PDE4D: variants seen among roughly 807,000 people sequenced by gnomAD.
The protein encoded by PDE4D is 3',5'-cyclic-AMP phosphodiesterase 4D.
Under a neutral mutation model 87.4 loss-of-function variants are expected in PDE4D, and 24 were observed. That is an observed-to-expected ratio of 0.27 (90% CI 0.20 to 0.39). The LOEUF (loss-of-function observed/expected upper bound fraction) is 0.39, where lower values mean the gene tolerates loss of function less well. Among genes scored for constraint, PDE4D ranks in the 10% least tolerant of loss-of-function variants. PDE4D has a pLI of 1.00. For missense variants in PDE4D, 714 were observed against 1,041.0 expected, an observed-to-expected ratio of 0.69 and a Z score of 4.32; for synonymous variants, 384 against 383.2, an observed-to-expected ratio of 1.00 and a Z score of -0.02.
At chr5:59,939,653 G>A (rs1277151998) in intron 3 of PDE4D, among the ~76,000 whole-genome samples, 1 of 152,108 alleles carries the variant, frequency 6.6e-6, no homozygotes, top group Admixed American at 6.6e-5. Flanking sequence ...GTCTGGCAGG[G>A]GTGAGGAGAA....
intron 5 of PDE4D, among the ~76,000 whole-genome samples, chr5:59,146,651 GTTC>G (rs1165001550): frequency 1.3e-5 from 2 of 151,850 alleles, no homozygotes; most frequent in African/African-American, 4.8e-5. Flanking sequence ...GTACTTGGAA[GTTC>G]TTCTTATTCT....
At chr5:59,274,484 T>G (rs532447908) in intron 1 of PDE4D, among the ~76,000 whole-genome samples, 1 of 152,268 alleles carries the variant, frequency 6.6e-6, no homozygotes, top group East Asian at 1.9e-4. Flanking sequence ...CCACCTCACT[T>G]CAATCATTGC....
intron 1 of PDE4D, among the ~76,000 whole-genome samples, chr5:59,674,051 C>T (rs1360562234): frequency 6.6e-6 from 1 of 151,660 alleles, no homozygotes; most frequent in East Asian, 1.9e-4. Flanking sequence ...CTAGTGATGC[C>T]CTGCTAGGAT....
At chr5:60,059,377 C>T (rs1771148550) in intron 2 of PDE4D, among the ~76,000 whole-genome samples, 1 of 151,800 alleles carries the variant, frequency 6.6e-6, no homozygotes, top group South Asian at 2.1e-4. Context: ...CATATATTTC[C>T]CTGATGAATC....
chr5:59,577,427 A>T (rs566604638), intron 1 of PDE4D, among the ~76,000 whole-genome samples: 1 of 152,048 alleles, frequency 6.6e-6, no homozygotes, highest in African/African-American at 2.4e-5. Context: ...GTTTCTCTGC[A>T]TTACCTTTAA....
chr5:59,111,194 G>C (rs1265851350), intron 5 of PDE4D, among the ~76,000 whole-genome samples: 2 of 152,170 alleles, frequency 1.3e-5, no homozygotes, highest in Non-Finnish European at 2.9e-5. Context: ...GATATTCAAT[G>C]CTTCATGCAA....
chr5:60,150,199 C>A (rs1781385849), intron 2 of PDE4D, among the ~76,000 whole-genome samples: 1 of 151,522 alleles, frequency 6.6e-6, no homozygotes, highest in Admixed American at 6.6e-5. Context: ...GAAGGAAATA[C>A]AACCATGAAT....
intron 6 of PDE4D, among the ~76,000 whole-genome samples, chr5:59,005,711 C>T (rs1200732627): frequency 2.6e-5 from 4 of 152,220 alleles, no homozygotes; most frequent in Non-Finnish European, 1.5e-5. Flanking sequence ...ATCTTGGCAA[C>T]ATTCTGATAA....
chr5:59,274,129 T>G (rs577167145), intron 1 of PDE4D, among the ~76,000 whole-genome samples: 1 of 152,212 alleles, frequency 6.6e-6, no homozygotes, highest in East Asian at 1.9e-4. Flanking sequence ...ATTTATTGTT[T>G]GAGGAAAAAA....
rs1421233487 is a variant in PDE4D, at chr5:58,969,536, C to T, written c.*5128G>A. 6.6e-6 allele frequency: 1 copy of T among 152,176 alleles called. No individual in the cohort carries two copies. The highest frequency in any genetic ancestry group is 1.9e-4 in the East Asian group (1 of 5,186). The allele number at this position is 152,176 out of a possible 1,614,324, so 9.4% of individuals were successfully genotyped here. ...AGAACTCAGATGCAAATCACTTTCTCAAGGCCTCAAGGAAGCCTTCTGTGG... is the reference window on the plus strand; with the variant it reads ...AGAACTCAGATGCAAATCACTTTCTTAAGGCCTCAAGGAAGCCTTCTGTGG... On this transcript the variant is annotated 3_prime_UTR_variant, in exon 15 of 15. Transcript: ENST00000340635.
At chr5:59,260,005 C>CA (rs1761705756) in intron 1 of PDE4D, among the ~76,000 whole-genome samples, 1 of 151,818 alleles carries the variant, frequency 6.6e-6, no homozygotes, top group Non-Finnish European at 1.5e-5. Flanking sequence ...TAGGATTTCA[C>CA]AAATTCCAGC....
chr5:60,413,710 C>A (rs1742233687), intron 1 of PDE4D, among the ~76,000 whole-genome samples: 2 of 130,456 alleles, frequency 1.5e-5, no homozygotes, highest in Admixed American at 7.3e-5. Flanking sequence ...TTTCTTTTTT[C>A]GTTTATTTTT....
At chr5:59,810,321 T>C (rs1047667083) in intron 1 of PDE4D, among the ~76,000 whole-genome samples, 1 of 152,244 alleles carries the variant, frequency 6.6e-6, no homozygotes, top group Non-Finnish European at 1.5e-5. Flanking sequence ...ATACAGTTGC[T>C]GACAGTCCTA....
intron 2 of PDE4D, among the ~76,000 whole-genome samples, chr5:60,085,274 GA>G (rs1741044773): frequency 6.6e-6 from 1 of 152,092 alleles, no homozygotes; most frequent in African/African-American, 2.4e-5. Context: ...AGGGAATAGG[GA>G]ATATATAGAG....
At chr5:59,996,215 T>C (rs1340453511) in intron 2 of PDE4D, among the ~76,000 whole-genome samples, 1 of 152,218 alleles carries the variant, frequency 6.6e-6, no homozygotes, top group Non-Finnish European at 1.5e-5. Flanking sequence ...TGCAGAGCAT[T>C]GTAAAGGTCA....
intron 1 of PDE4D, among the ~76,000 whole-genome samples, chr5:59,319,298 T>C (rs1267880810): frequency 6.6e-6 from 1 of 152,074 alleles, no homozygotes; most frequent in East Asian, 1.9e-4. Context: ...CTCTGAATAT[T>C]TGAATTCTAA....
At chr5:59,448,907 T>A (rs1021895179) in intron 1 of PDE4D, among the ~76,000 whole-genome samples, 7 of 152,098 alleles carry the variant, frequency 4.6e-5, no homozygotes, top group African/African-American at 1.7e-4. Context: ...AGCACTGGGA[T>A]TACAGGAGTG....
At chr5:59,944,533 G>A (rs1009016371) in intron 3 of PDE4D, among the ~76,000 whole-genome samples, 1 of 152,016 alleles carries the variant, frequency 6.6e-6, no homozygotes, top group African/African-American at 2.4e-5. Context: ...CACCACGCCC[G>A]GCTAATTTTT....
intron 1 of PDE4D, among the ~76,000 whole-genome samples, chr5:59,229,454 G>T (rs1314394435): frequency 6.6e-6 from 1 of 152,154 alleles, no homozygotes; most frequent in East Asian, 1.9e-4. Flanking sequence ...TTTAACGGGG[G>T]TTATTTTGAA....
Sources: gnomAD v4.1 joint callset for allele counts (sites outside exome capture counted in the v4.1 genomes callset) on GRCh38, gnomAD v4.1.1 for gene constraint, MANE v1.5 for transcripts, NCBI Gene and HGNC (gene_info 2026-07-23, HGNC 2026-07-21) for gene names.